The following DEFB131A variants were observed in gnomAD, a reference collection of about 807,000 sequenced individuals.
DEFB131A encodes the protein beta-defensin 131A.
Under a neutral mutation model 2.4 loss-of-function variants are expected in DEFB131A, and 5 were observed. The observed-to-expected ratio is 2.12, with a 90% CI of 1.11 to 4.47. The LOEUF is 4.47. DEFB131A is among the 30% of genes most tolerant of loss of function. The pLI, the probability that DEFB131A is intolerant of heterozygous loss-of-function variation, is 0.00. For missense variants in DEFB131A, 120 were observed against 79.9 expected (o/e 1.50, Z -1.91); for synonymous variants, 34 against 25.7 (o/e 1.32, Z -0.97).
chr4:9,449,234 T>C (rs1241681397), intron 1 of DEFB131A, among the ~76,000 whole-genome samples: 1 of 148,888 alleles, frequency 6.7e-6, no homozygotes, highest in Admixed American at 6.8e-5. Flanking sequence ...TTGGAAGACA[T>C]GATAATATTA....
In DEFB131A at chr4:9,445,627, C is replaced by T. The variant is rs373031738; in HGVS notation, c.58+1036C>T. Among the ~76,000 whole-genome samples, 106 of 151,734 alleles carry T rather than the reference C, an allele frequency of 7.0e-4. 1 individual carries two copies. The East Asian group carries it at 0.014, about 20-fold the overall frequency. On this transcript the variant is annotated intron_variant, in intron 1 of 1. Transcript: ENST00000334879. The stretch of plus-strand genomic sequence containing the variant: ...ATAATACTTCATGATTCAAGATTCC[C>T]TTATTTATATAATTATAAATAATTA...
chr4:9,449,083 T>A (rs368889051), intron 1 of DEFB131A, among the ~76,000 whole-genome samples: 2 of 151,068 alleles, frequency 1.3e-5, no homozygotes, highest in East Asian at 3.9e-4. Context: ...AAAATCCCAT[T>A]CATAATAGCA....
chr4:9,448,170 CA>C (rs60855138), intron 1 of DEFB131A, among the ~76,000 whole-genome samples: 134,870 of 144,348 alleles, frequency 0.93, 63,045 homozygotes, highest in South Asian at 0.99. Flanking sequence ...AAATCAAAGA[CA>C]AAAAAAAAAA....
At chr4:9,445,004 T>C (rs1215779432) in intron 1 of DEFB131A, among the ~76,000 whole-genome samples, 2 of 151,974 alleles carry the variant, frequency 1.3e-5, no homozygotes, top group East Asian at 3.9e-4. Flanking sequence ...CGCTCGAGCC[T>C]GAGATGTCAA....
At chr4:9,446,363 C>T (rs983117188) in intron 1 of DEFB131A, among the ~76,000 whole-genome samples, 5 of 151,904 alleles carry the variant, frequency 3.3e-5, no homozygotes, top group Non-Finnish European at 5.9e-5. Context: ...AAAAATTCTT[C>T]GTATGGATTA....
chr4:9,445,702 C>T (rs116798697), intron 1 of DEFB131A, among the ~76,000 whole-genome samples: 2 of 151,866 alleles, frequency 1.3e-5, no homozygotes, highest in Non-Finnish European at 2.9e-5. Flanking sequence ...TTATGAGATA[C>T]AATTTACCAT....
intron 1 of DEFB131A, among the ~76,000 whole-genome samples, chr4:9,446,348 TA>T (rs113967271): frequency 0.014 from 2,096 of 151,684 alleles, 29 homozygotes; most frequent in South Asian, 0.017. Context: ...TTGGTGTTGG[TA>T]AAAAAAAATT....
At chr4:9,447,180 G>A (rs1159643641) in intron 1 of DEFB131A, among the ~76,000 whole-genome samples, 1 of 152,156 alleles carries the variant, frequency 6.6e-6, no homozygotes, top group African/African-American at 2.4e-5. Context: ...TGCTGAAAGT[G>A]GGATATTGAA....
At chr4:9,450,161 T>C (rs1361448435) in intron 1 of DEFB131A, among the ~76,000 whole-genome samples, 199 bp from the exon 2 acceptor site, 1 of 152,208 alleles carries the variant, frequency 6.6e-6, no homozygotes, top group Non-Finnish European at 1.5e-5. Flanking sequence ...TACTGCCTCA[T>C]TTATCTACTC....
At chr4:9,445,403 A>G (rs1026099829) in intron 1 of DEFB131A, among the ~76,000 whole-genome samples, 1 of 152,148 alleles carries the variant, frequency 6.6e-6, no homozygotes, top group Non-Finnish European at 1.5e-5. Context: ...TTTTAACCAC[A>G]TAACTAGCCA....
chr4:9,444,777 A>G (rs1717448536), intron 1 of DEFB131A, among the ~76,000 whole-genome samples, 186 bp downstream of exon 1: 1 of 152,072 alleles, frequency 6.6e-6, no homozygotes, highest in Non-Finnish European at 1.5e-5. Flanking sequence ...GATTTAACCT[A>G]TGATAAACTC....
At position 9,450,385 on chromosome 4, in the gene DEFB131A, A is replaced by G. The variant is rs1717624374; in HGVS notation, c.84A>G (p.Glu28=). The change falls in exon 2 of 2, where the codon GAA becomes GAG. Residue 28 remains glutamate, a synonymous_variant. Coordinates refer to ENST00000334879, the MANE Select transcript of DEFB131A (RefSeq NM_001040448.3). ...CCAGAAGCTTCATTTCTAATGATGA[A>G]TGTCCTTCAGAATATTATCATTGCA... is the stretch of plus-strand genomic sequence containing the variant. ...PPARSFISND[E]CPSEYYHCRL... The G allele has an allele frequency of 6.3e-7, 1 of 1,585,218 alleles. No individual in the cohort carries two copies. Among genetic ancestry groups the G allele is most frequent in the East Asian group, 2.3e-5 (1 of 44,284 alleles).
At chr4:9,445,071 C>A (rs186079771) in intron 1 of DEFB131A, among the ~76,000 whole-genome samples, 1,902 of 152,014 alleles carry the variant, frequency 0.013, 38 homozygotes, top group African/African-American at 0.044. Context: ...CAGAGTGAGA[C>A]CCTGTCTCAA....
At chr4:9,445,741 C>G (rs1229508573) in intron 1 of DEFB131A, among the ~76,000 whole-genome samples, 1 of 151,966 alleles carries the variant, frequency 6.6e-6, no homozygotes, top group Non-Finnish European at 1.5e-5. Flanking sequence ...GTGTTCTATT[C>G]AGTGGTTATC....
Position 9,450,402 on chromosome 4 carries a change from A to G in DEFB131A, c.101A>G (p.Tyr34Cys). 6.2e-7 allele frequency: 1 copy of G among 1,602,378 alleles called. No homozygotes were observed. The highest frequency in any genetic ancestry group is 2.2e-5 in the East Asian group (1 of 44,654). The change falls in exon 2 of 2, where the codon TAT (tyrosine) becomes TGT (cysteine). Residue 34 changes from tyrosine (Y) to cysteine (C), a missense_variant. By Grantham distance (194) the Tyr-to-Cys change is radical. Transcript: ENST00000334879. ...ISNDECPSEY[Y>C]HCRLKCNADE... ...AATGATGAATGTCCTTCAGAATATTATCATTGCAGACTGAAGTGCAATGCT... is the reference window on the plus strand; with the variant it reads ...AATGATGAATGTCCTTCAGAATATTGTCATTGCAGACTGAAGTGCAATGCT...
At position 9,444,522 on chromosome 4, in the gene DEFB131A, A is replaced by C. The variant is rs757829139; in HGVS notation, c.-12A>C. ...CTACTGATTCTCTCTAACCTGCTTT[A>C]CCTATTCAACCATGAGGGTCTTGTT... On this transcript the variant is annotated 5_prime_UTR_variant, in exon 1 of 2. Coordinates refer to ENST00000334879, the MANE Select transcript of DEFB131A (RefSeq NM_001040448.3). The C allele has an allele frequency of 6.2e-7, 1 of 1,611,466 alleles. No homozygotes were observed. Among genetic ancestry groups the C allele is most frequent in the Non-Finnish European group, 8.5e-7 (1 of 1,179,566 alleles).
chr4:9,446,926 T>G (rs967214484), intron 1 of DEFB131A, among the ~76,000 whole-genome samples: 3 of 152,166 alleles, frequency 2.0e-5, no homozygotes, highest in African/African-American at 7.2e-5. Context: ...CATTTCTAGT[T>G]CTATTCTATT....
intron 1 of DEFB131A, among the ~76,000 whole-genome samples, chr4:9,448,223 G>C (rs1717554843): frequency 6.7e-6 from 1 of 150,256 alleles, no homozygotes; most frequent in Non-Finnish European, 1.5e-5. Flanking sequence ...TTTATCTATG[G>C]ACAACCAAGG....
At chr4:9,446,096 T>C (rs983066154) in intron 1 of DEFB131A, among the ~76,000 whole-genome samples, 21 of 152,186 alleles carry the variant, frequency 1.4e-4, no homozygotes, top group East Asian at 5.8e-4. Context: ...TTATAGTAAA[T>C]TCTATCTCAA....
Sources: allele counts gnomAD v4.1 joint callset (sites outside exome capture counted in the v4.1 genomes callset), GRCh38; gene constraint gnomAD v4.1.1; transcripts MANE v1.5; gene names NCBI Gene and HGNC (gene_info 2026-07-23, HGNC 2026-07-21).